The following AGBL4 variants were observed in gnomAD, a reference collection of about 807,000 sequenced individuals.
The protein encoded by AGBL4 is cytosolic carboxypeptidase 6.
Under a neutral mutation model 66.4 loss-of-function variants are expected in AGBL4, and 58 were observed. The ratio of observed to expected loss-of-function variants is 0.87; its 90% CI spans 0.71 to 1.09. The LOEUF is 1.09. AGBL4 is among the 50% of genes least tolerant of loss of function. The probability of loss-of-function intolerance (pLI) is 0.00; values close to 1 mark genes in which losing one functional copy is unlikely to be tolerated. For synonymous variants in AGBL4, 234 were observed against 222.9 expected (o/e 1.05, Z -0.44); for missense variants, 579 against 631.0 (o/e 0.92, Z 0.88).
chr1:49,857,127 C>A (rs1646455378), intron 1 of AGBL4, among the ~76,000 whole-genome samples: 1 of 151,866 alleles, frequency 6.6e-6, no homozygotes, highest in Non-Finnish European at 1.5e-5. Flanking sequence ...ATCCCACTTA[C>A]AATAGCTACA....
At position 49,975,811 on chromosome 1, in the gene AGBL4, T is replaced by G. The variant is rs117293914; in HGVS notation, c.34+47952A>C. On this transcript the variant is annotated intron_variant, in intron 1 of 13. Coordinates refer to ENST00000371839, the MANE Select transcript of AGBL4 (RefSeq NM_032785.4). ...CCTAGCACGGTTTCTGCACATTTGG[T>G]GCTCACTGCCTGATAGCTTCTGTTA... Among the ~76,000 whole-genome samples the G allele has an allele frequency of 1.3e-4, 20 of 152,244 alleles. 1 individual carries two copies.
intron 2 of AGBL4, among the ~76,000 whole-genome samples, chr1:49,773,575 C>T (rs112675946): frequency 6.6e-6 from 1 of 152,156 alleles, no homozygotes; most frequent in Non-Finnish European, 1.5e-5. Flanking sequence ...TGTGATATCT[C>T]AGTGGCCCAG....
rs188535983 is a variant in AGBL4, at chr1:48,863,598, G to A, written c.634+3593C>T. ...ATTATAAATAAGACAATGTTGAATCGATGCAGAATTAAGCGTGGTAGGCCA... is the reference window on the plus strand; with the variant it reads ...ATTATAAATAAGACAATGTTGAATCAATGCAGAATTAAGCGTGGTAGGCCA... On this transcript the variant is annotated intron_variant, in intron 6 of 13. Coordinates refer to ENST00000371839, the MANE Select transcript of AGBL4 (RefSeq NM_032785.4). Among the ~76,000 whole-genome samples, 316 of 152,100 alleles carry A rather than the reference G, an allele frequency of 2.1e-3. 2 individuals are homozygous for A. The highest frequency in any genetic ancestry group is 7.4e-3 in the African/African-American group (308 of 41,534).
At chr1:48,642,173 G>C (rs919001423) in intron 8 of AGBL4, among the ~76,000 whole-genome samples, 1 of 152,152 alleles carries the variant, frequency 6.6e-6, no homozygotes, top group Non-Finnish European at 1.5e-5. Flanking sequence ...ATATGGAGCA[G>C]ACTTGGATGT....
At chr1:49,704,812 T>C (rs1647174090) in intron 2 of AGBL4, among the ~76,000 whole-genome samples, 1 of 152,228 alleles carries the variant, frequency 6.6e-6, no homozygotes, top group Non-Finnish European at 1.5e-5. Context: ...ACCAGTACCA[T>C]GCTGTTGGGG....
chr1:48,719,190 C>G (rs1647102288), intron 6 of AGBL4, among the ~76,000 whole-genome samples: 2 of 152,166 alleles, frequency 1.3e-5, no homozygotes, highest in Non-Finnish European at 2.9e-5. Flanking sequence ...CGTTTGATCT[C>G]CCCTCTGGAC....
intron 9 of AGBL4, among the ~76,000 whole-genome samples, chr1:48,629,523 G>A (rs551614926): frequency 2.6e-5 from 4 of 152,254 alleles, no homozygotes; most frequent in South Asian, 4.2e-4. Context: ...AAATGTCTAA[G>A]TACAGCTCCC....
At chr1:49,525,465 G>A (rs1176567748) in intron 3 of AGBL4, among the ~76,000 whole-genome samples, 1 of 151,992 alleles carries the variant, frequency 6.6e-6, no homozygotes, top group African/African-American at 2.4e-5. Context: ...GCAGTAATGA[G>A]CTTGGTGAGC....
intron 3 of AGBL4, among the ~76,000 whole-genome samples, chr1:49,411,254 A>G (rs1157030891): frequency 6.6e-6 from 1 of 152,220 alleles, no homozygotes; most frequent in Admixed American, 6.5e-5. Flanking sequence ...GAGAAACAGA[A>G]GGAAACATCC....
chr1:49,226,295 A>T (rs1433841412), intron 4 of AGBL4, among the ~76,000 whole-genome samples: 1 of 152,226 alleles, frequency 6.6e-6, no homozygotes, highest in Admixed American at 6.5e-5. Flanking sequence ...AATGTTTATG[A>T]TAATGAAAGG....
Position 48,683,614 on chromosome 1 carries a change from G to T in AGBL4, c.635-20373C>A, listed in dbSNP as rs142107669. The stretch of plus-strand genomic sequence containing the variant: ...CAGCAACTTGTATTCATGGGAGGTT[G>T]TGTGTAAGGCTGGGCCTCAAAGAGG... On this transcript the variant is annotated intron_variant, in intron 6 of 13. Coordinates refer to ENST00000371839, the MANE Select transcript of AGBL4 (RefSeq NM_032785.4). 3.7e-3 allele frequency among the ~76,000 whole-genome samples: 565 copies of T among 152,354 alleles called. 3 individuals carry two copies. Among genetic ancestry groups the T allele is most frequent in the African/African-American group, 0.013 (544 of 41,582 alleles).
At chr1:49,952,098 C>T (rs1656208852) in intron 1 of AGBL4, among the ~76,000 whole-genome samples, 3 of 151,574 alleles carry the variant, frequency 2.0e-5, no homozygotes, top group Non-Finnish European at 4.4e-5. Flanking sequence ...GGTTGTACAA[C>T]ATTGTGAATA....
At chr1:48,829,614 G>A (rs536904050) in intron 6 of AGBL4, among the ~76,000 whole-genome samples, 1 of 152,104 alleles carries the variant, frequency 6.6e-6, no homozygotes, top group Non-Finnish European at 1.5e-5. Context: ...CAGTCAGAGA[G>A]AGGCTGAAAC....
chr1:49,043,068 C>T (rs898871676), intron 5 of AGBL4, among the ~76,000 whole-genome samples: 8 of 152,102 alleles, frequency 5.3e-5, no homozygotes, highest in South Asian at 2.1e-4. Flanking sequence ...TAAAAAAGAT[C>T]GCAATTCATA....
chr1:49,829,025 C>T (rs796253249), intron 2 of AGBL4, among the ~76,000 whole-genome samples: 2 of 150,152 alleles, frequency 1.3e-5, no homozygotes, highest in South Asian at 2.1e-4. Context: ...GCCAAGATAG[C>T]GCCACTGCAG....
intron 1 of AGBL4, among the ~76,000 whole-genome samples, chr1:49,906,116 C>CTGTG (rs59711282): frequency 0.011 from 1,560 of 147,388 alleles, 27 homozygotes; most frequent in African/African-American, 0.029. Context: ...AAACAGGACT[C>CTGTG]TGTGTGTGTG....
intron 6 of AGBL4, among the ~76,000 whole-genome samples, chr1:48,760,438 T>C (rs991527369): frequency 2.0e-5 from 3 of 152,218 alleles, no homozygotes; most frequent in African/African-American, 7.2e-5. Flanking sequence ...GACTCTGATA[T>C]TGTGTTACAT....
At chr1:48,953,826 C>A (rs1172281961) in intron 5 of AGBL4, among the ~76,000 whole-genome samples, 1 of 152,192 alleles carries the variant, frequency 6.6e-6, no homozygotes, top group Non-Finnish European at 1.5e-5. Flanking sequence ...GGGCTGCTAA[C>A]TGGGACTTGG....
intron 1 of AGBL4, among the ~76,000 whole-genome samples, chr1:50,021,263 C>G (rs866996995): frequency 2.0e-5 from 3 of 152,164 alleles, no homozygotes; most frequent in Non-Finnish European, 4.4e-5. Flanking sequence ...AATATTGCAG[C>G]TACTCAACAC....
Sources: gnomAD v4.1 joint callset for allele counts (sites outside exome capture counted in the v4.1 genomes callset) on GRCh38, gnomAD v4.1.1 for gene constraint, MANE v1.5 for transcripts, NCBI Gene and HGNC (gene_info 2026-07-23, HGNC 2026-07-21) for gene names.